TNRC18: variants seen among roughly 807,000 people sequenced by gnomAD.
TNRC18 encodes trinucleotide repeat-containing gene 18 protein.
TNRC18 carries 69 observed loss-of-function variants against 226.7 expected under a neutral mutation model. The observed-to-expected ratio is 0.30, with a 90% CI of 0.25 to 0.37. The LOEUF (loss-of-function observed/expected upper bound fraction) is 0.37, where lower values mean the gene tolerates loss of function less well. TNRC18 is among the 10% of genes least tolerant of loss of function. TNRC18 has a pLI of 1.00. For missense variants in TNRC18, 4,754 were observed against 4,256.6 expected (o/e 1.12, Z -3.25); for synonymous variants, 2,449 against 1,927.6 (o/e 1.27, Z -7.09).
At chr7:5,417,610 G>T (rs969867776) in intron 2 of TNRC18, among the ~76,000 whole-genome samples, 4 of 152,160 alleles carry the variant, frequency 2.6e-5, no homozygotes, top group African/African-American at 9.7e-5. Context: ...CCTGGGACCC[G>T]AGCGGTGCCT....
At chr7:5,348,719 G>A (rs1481388134) in intron 17 of TNRC18, among the ~76,000 whole-genome samples, 1 of 152,054 alleles carries the variant, frequency 6.6e-6, no homozygotes, top group Non-Finnish European at 1.5e-5. Flanking sequence ...GGTGAGAGGG[G>A]AGACTGGCCC....
At chr7:5,393,104 T>G (rs895839892) in intron 3 of TNRC18, among the ~76,000 whole-genome samples, 4 of 152,200 alleles carry the variant, frequency 2.6e-5, no homozygotes, top group Non-Finnish European at 5.9e-5. Context: ...AAGCACCCTG[T>G]GTGTTTGTGG....
intron 17 of TNRC18, among the ~76,000 whole-genome samples, chr7:5,350,407 T>G (rs1456235670): frequency 8.7e-6 from 1 of 115,156 alleles, no homozygotes; most frequent in Non-Finnish European, 1.7e-5. Context: ...GACCAGGAAT[T>G]CAAGAGCAGG....
intron 11 of TNRC18, among the ~76,000 whole-genome samples, chr7:5,367,391 C>A (rs1159273346): frequency 1.3e-5 from 2 of 151,792 alleles, no homozygotes; most frequent in Admixed American, 6.6e-5. Context: ...AAAAACAAAA[C>A]CAGTACCAGG....
In TNRC18 at chr7:5,325,078, G is replaced by A. The variant is rs572024676; in HGVS notation, c.6300+18C>T. 149 of 1,549,370 alleles carry A rather than the reference G, an allele frequency of 9.6e-5. No individual in the cohort carries two copies. In the South Asian group the frequency reaches 1.2e-3, roughly 12 times the overall value. On this transcript the variant is annotated intron_variant, in intron 20 of 29. Transcript: ENST00000430969. Reference sequence around the variant, plus strand: ...CTGAGCCCCCCACAGCCCCCAACCAGGGCACGGTGAGCCTCACCTCCTTCT... The same window carrying A: ...CTGAGCCCCCCACAGCCCCCAACCAAGGCACGGTGAGCCTCACCTCCTTCT...
At position 5,374,179 on chromosome 7, in the gene TNRC18, C is replaced by T. The variant is rs766862237; in HGVS notation, c.3105G>A (p.Pro1035=). The T allele has an allele frequency of 1.6e-4, 43 of 276,214 alleles. No homozygotes were observed. Among genetic ancestry groups the T allele is most frequent in the Middle Eastern group, 1.7e-3 (1 of 580 alleles). The allele number at this position is 276,214 out of a possible 1,614,324, so 17.1% of individuals were successfully genotyped here. A position where few individuals can be genotyped will look rare whatever the true frequency, so the allele number is the denominator to read the frequency against. ...CCGGGGTGGGCGGTGGGGAGGCGGGCGGCGGGCTGGTGGGGTGGGAGCTGG... is the reference window on the plus strand; with the variant it reads ...CCGGGGTGGGCGGTGGGGAGGCGGGTGGCGGGCTGGTGGGGTGGGAGCTGG... The part of the protein sequence containing the change: ...ATPSSHPTSP[P]PASPPPTPGI... Residue 1035 remains proline, a synonymous_variant, in exon 10 of 30, where the codon CCG becomes CCA. Coordinates refer to ENST00000430969, the MANE Select transcript of TNRC18 (RefSeq NM_001080495.3).
intron 9 of TNRC18, among the ~76,000 whole-genome samples, chr7:5,374,776 T>C (rs1794488645): frequency 6.6e-6 from 1 of 152,214 alleles, no homozygotes; most frequent in Non-Finnish European, 1.5e-5. Flanking sequence ...ACCCCGGCCC[T>C]GCACGGACCC....
chr7:5,340,561 A>AC (rs1790586017), intron 18 of TNRC18, among the ~76,000 whole-genome samples: 2 of 121,920 alleles, frequency 1.6e-5, no homozygotes, highest in African/African-American at 6.6e-5. Context: ...ACATGGTGAA[A>AC]CCCCATCTCT....
In TNRC18 at chr7:5,377,257, G is replaced by T; in HGVS notation, c.2461+114C>A. 8.1e-7 allele frequency: 1 copy of T among 1,234,422 alleles called. No individual in the cohort carries two copies. The highest frequency in any genetic ancestry group is 1.1e-6 in the Non-Finnish European group (1 of 904,856). The allele number at this position is 1,234,422 out of a possible 1,614,324, so 76.5% of individuals were successfully genotyped here. On this transcript the variant is annotated intron_variant, in intron 7 of 29. Coordinates refer to ENST00000430969, the MANE Select transcript of TNRC18 (RefSeq NM_001080495.3). This position sits in a 1 kb window ranked among gnomAD's most constrained non-coding sequence, Gnocchi z 5.8. ...TTCTTCCGACGAATGCGGGAGGCAGGCCCAGGCCCCCCAGGAAACGGCAGG... is the reference window on the plus strand; with the variant it reads ...TTCTTCCGACGAATGCGGGAGGCAGTCCCAGGCCCCCCAGGAAACGGCAGG...
At chr7:5,420,741 T>G in intron 2 of TNRC18, 7 of 585,078 alleles carry the variant, frequency 1.2e-5, no homozygotes, top group Non-Finnish European at 1.6e-5. Flanking sequence ...CTCGCCCAGA[T>G]TTTGAAAACT....
At chr7:5,363,518 G>A (rs537509185) in intron 11 of TNRC18, among the ~76,000 whole-genome samples, 2 of 152,204 alleles carry the variant, frequency 1.3e-5, no homozygotes, top group Admixed American at 6.5e-5. Flanking sequence ...GCAGGAGAAT[G>A]GCGAGAACCT....
intron 2 of TNRC18, among the ~76,000 whole-genome samples, chr7:5,400,490 G>C (rs1037586363): frequency 2.6e-5 from 4 of 152,018 alleles, no homozygotes; most frequent in African/African-American, 9.7e-5. Context: ...TGTCCCTATA[G>C]TCCCAGCTAC....
At position 5,309,051 on chromosome 7, in the gene TNRC18, C is replaced by G. The variant is rs1371808506; in HGVS notation, c.8625+81G>C. On this transcript the variant is annotated intron_variant, in intron 28 of 29. Transcript: ENST00000430969. The surrounding 1 kb of genome is among the most constrained non-coding windows in gnomAD (Gnocchi z 5.7). The stretch of plus-strand genomic sequence containing the variant: ...GACCCACTGGGCAGGGCTGCTGATG[C>G]TCCAGCACCCAGAACGCCTCGCCCT... 2 of 1,502,844 alleles carry G rather than the reference C, an allele frequency of 1.3e-6. No homozygotes were observed. Among genetic ancestry groups the G allele is most frequent in the Non-Finnish European group, 1.8e-6 (2 of 1,104,410 alleles). The allele number at this position is 1,502,844 out of a possible 1,614,324, so 93.1% of individuals were successfully genotyped here.
intron 2 of TNRC18, among the ~76,000 whole-genome samples, chr7:5,400,536 T>C (rs1346159190): frequency 5.3e-5 from 8 of 151,958 alleles, no homozygotes; most frequent in African/African-American, 7.2e-5. Context: ...CACTTGAACC[T>C]AGGAGGTGGA....
chr7:5,356,602 G>T (rs905732360), intron 16 of TNRC18, among the ~76,000 whole-genome samples: 4 of 152,236 alleles, frequency 2.6e-5, no homozygotes, highest in Non-Finnish European at 4.4e-5. Context: ...TATGACATCC[G>T]GTAGGCAAAT....
chr7:5,379,888 C>G lies in TNRC18; in HGVS notation c.2153-1864G>C, dbSNP rs1208506316. On this transcript the variant is annotated intron_variant, in intron 5 of 29. Transcript: ENST00000430969. ...AGGGGTGGGCTGGGAGCTAGGTCCTCCTACGCAGCGCTACTGTGGGCAGAC... is the reference window on the plus strand; with the variant it reads ...AGGGGTGGGCTGGGAGCTAGGTCCTGCTACGCAGCGCTACTGTGGGCAGAC... 5.9e-5 allele frequency among the ~76,000 whole-genome samples: 9 copies of G among 152,210 alleles called. No homozygotes were observed. The East Asian group carries it at 1.7e-3, about 29-fold the overall frequency.
At chr7:5,354,677 C>T (rs1377928751) in intron 16 of TNRC18, among the ~76,000 whole-genome samples, 1 of 152,132 alleles carries the variant, frequency 6.6e-6, no homozygotes, top group East Asian at 1.9e-4. Context: ...CATGAGCCAG[C>T]TGCTTAACTC....
At position 5,309,889 on chromosome 7, in the gene TNRC18, C is replaced by G. The variant is rs1787002256; in HGVS notation, c.8389-521G>C. 6.6e-6 allele frequency among the ~76,000 whole-genome samples: 1 copy of G among 152,176 alleles called. No homozygotes were observed. The stretch of plus-strand genomic sequence containing the variant: ...AGCACTAGGATCGCAGTGTCAGCCA[C>G]TGCACCTGGCCTTATTTTTCTTTTG... On this transcript the variant is annotated intron_variant, in intron 27 of 29. Coordinates refer to ENST00000430969, the MANE Select transcript of TNRC18 (RefSeq NM_001080495.3). This position sits in a 1 kb window ranked among gnomAD's most constrained non-coding sequence, Gnocchi z 5.7.
At chr7:5,404,322 G>C (rs1021901708) in intron 2 of TNRC18, among the ~76,000 whole-genome samples, 2 of 151,906 alleles carry the variant, frequency 1.3e-5, no homozygotes, top group South Asian at 2.1e-4. Context: ...AGTGAGCCGA[G>C]ATCACGCCAC....
Sources: gnomAD v4.1 joint callset for allele counts (sites outside exome capture counted in the v4.1 genomes callset) on GRCh38, gnomAD v4.1.1 for gene constraint, Gnocchi (gnomAD v3.1) non-coding constraint, MANE v1.5 for transcripts, NCBI Gene and HGNC (gene_info 2026-07-23, HGNC 2026-07-21) for gene names.